CTNND2: variants seen among roughly 807,000 people sequenced by gnomAD.
CTNND2 encodes the protein catenin delta 2.
In CTNND2, 22 loss-of-function variants were observed where a neutral mutation model predicts 144.4. That is an observed-to-expected ratio of 0.15 (90% CI 0.11 to 0.22). The LOEUF (loss-of-function observed/expected upper bound fraction) is 0.22, where lower values mean the gene tolerates loss of function less well. CTNND2 is among the 10% of genes least tolerant of loss of function. The pLI is 1.00. For synonymous variants in CTNND2, 751 were observed against 695.6 expected, an observed-to-expected ratio of 1.08 and a Z score of -1.25; for missense variants, 1,353 against 1,618.8, an observed-to-expected ratio of 0.84 and a Z score of 2.82.
chr5:11,334,206 G>C (rs974214925), intron 9 of CTNND2, among the ~76,000 whole-genome samples: 2 of 152,150 alleles, frequency 1.3e-5, no homozygotes, highest in African/African-American at 4.8e-5. Context: ...AATTTTGAAT[G>C]TTTTCACTGC....
intron 2 of CTNND2, among the ~76,000 whole-genome samples, chr5:11,656,969 A>ATATTC (rs1782948224): frequency 6.6e-6 from 1 of 152,094 alleles, no homozygotes; most frequent in African/African-American, 2.4e-5. Flanking sequence ...TTGAGTTAGG[A>ATATTC]ATATCAGTTA....
At chr5:11,662,165 A>G (rs972255119) in intron 2 of CTNND2, among the ~76,000 whole-genome samples, 1 of 145,476 alleles carries the variant, frequency 6.9e-6, no homozygotes, top group Non-Finnish European at 1.5e-5. Context: ...ATGTGTATAT[A>G]TGTGTATATA....
At chr5:11,597,228 T>A (rs1417700604) in intron 2 of CTNND2, among the ~76,000 whole-genome samples, 2 of 152,172 alleles carry the variant, frequency 1.3e-5, no homozygotes, top group Admixed American at 6.6e-5. Context: ...TGCCTATACA[T>A]TGGTATCTTA....
At chr5:11,531,310 GC>G (rs1012609889) in intron 3 of CTNND2, among the ~76,000 whole-genome samples, 1 of 152,064 alleles carries the variant, frequency 6.6e-6, no homozygotes, top group African/African-American at 2.4e-5. Flanking sequence ...GGGAAACACG[GC>G]CCCCCACACA....
intron 1 of CTNND2, among the ~76,000 whole-genome samples, chr5:11,817,838 T>C (rs1793076654): frequency 6.6e-6 from 1 of 152,018 alleles, no homozygotes; most frequent in Non-Finnish European, 1.5e-5. Flanking sequence ...GAAAACACGA[T>C]TATAAAATAA....
chr5:11,645,617 C>A (rs1332500178), intron 2 of CTNND2, among the ~76,000 whole-genome samples: 3 of 152,070 alleles, frequency 2.0e-5, no homozygotes, highest in Admixed American at 1.3e-4. Flanking sequence ...AACTGAGAAC[C>A]ACTGTTAGTG....
At chr5:11,365,171 C>G (rs1278591230) in intron 7 of CTNND2, among the ~76,000 whole-genome samples, 1 of 152,172 alleles carries the variant, frequency 6.6e-6, no homozygotes, top group Non-Finnish European at 1.5e-5. Flanking sequence ...TTCTCAAAAC[C>G]TAATGAATGT....
chr5:10,991,316 C>T (rs1738654514), intron 19 of CTNND2, among the ~76,000 whole-genome samples: 1 of 152,170 alleles, frequency 6.6e-6, no homozygotes, highest in Non-Finnish European at 1.5e-5. Context: ...ACCAGGTCCT[C>T]CCAGGTGTCA....
At chr5:11,633,704 A>G (rs750654296) in intron 2 of CTNND2, among the ~76,000 whole-genome samples, 5 of 151,688 alleles carry the variant, frequency 3.3e-5, no homozygotes, top group Admixed American at 2.0e-4. Context: ...TGAACCTGAG[A>G]GGCAGAGTTT....
chr5:11,257,938 C>T (rs772694180), intron 9 of CTNND2, among the ~76,000 whole-genome samples: 7 of 152,186 alleles, frequency 4.6e-5, no homozygotes, highest in Non-Finnish European at 8.8e-5. Context: ...CCATCATTCT[C>T]CTATTACTCC....
intron 9 of CTNND2, among the ~76,000 whole-genome samples, chr5:11,322,048 T>A (rs573933884): frequency 2.6e-5 from 4 of 152,000 alleles, no homozygotes; most frequent in Non-Finnish European, 5.9e-5. Context: ...GTTCTATCCC[T>A]CCCTCCACAC....
chr5:11,676,191 A>G (rs1784166186), intron 2 of CTNND2, among the ~76,000 whole-genome samples: 1 of 152,142 alleles, frequency 6.6e-6, no homozygotes, highest in East Asian at 1.9e-4. Context: ...TTTTAGGTAT[A>G]AAAACAGCTT....
In CTNND2 at chr5:11,411,619, G is replaced by A; in HGVS notation, c.356C>T (p.Thr119Ile). Residue 119 changes from threonine (T) to isoleucine (I), a missense_variant, in exon 5 of 22, where the codon ACA (threonine) becomes ATA (isoleucine). By Grantham distance (89) the Thr-to-Ile change is moderately conservative. This residue lies in a region of CTNND2 where 708 missense variants were observed against 706.4 expected (regional missense o/e 1.00). Coordinates refer to ENST00000304623, the MANE Select transcript of CTNND2 (RefSeq NM_001332.4). ...ACAGGAGTCCACCAGCTCGAGACCT[G>A]TTGTAAGCTCATCTTCGATATCTTT... ...GQKDIEDELT[T>I]GLELVDSCIR... 1.2e-6 allele frequency: 2 copies of A among 1,611,338 alleles called. No individual in the cohort carries two copies. Among genetic ancestry groups the A allele is most frequent in the Non-Finnish European group, 1.7e-6 (2 of 1,178,072 alleles).
chr5:11,678,353 G>C (rs1355823036), intron 2 of CTNND2, among the ~76,000 whole-genome samples: 1 of 152,140 alleles, frequency 6.6e-6, no homozygotes, highest in Non-Finnish European at 1.5e-5. Context: ...CAGAACCCCT[G>C]ACTGGTATTT....
chr5:11,123,493 C>T (rs1213486615), intron 12 of CTNND2, among the ~76,000 whole-genome samples: 1 of 152,182 alleles, frequency 6.6e-6, no homozygotes, highest in Non-Finnish European at 1.5e-5. Context: ...AGGACTGCCC[C>T]CACCACAAGG....
At chr5:11,819,566 T>C (rs1043835276) in intron 1 of CTNND2, among the ~76,000 whole-genome samples, 5 of 152,208 alleles carry the variant, frequency 3.3e-5, no homozygotes, top group Admixed American at 6.5e-5. Flanking sequence ...CCACCCCTGT[T>C]CAGGCTCAGT....
intron 16 of CTNND2, among the ~76,000 whole-genome samples, chr5:11,072,524 T>C (rs1748445212): frequency 1.3e-5 from 2 of 152,248 alleles, no homozygotes; most frequent in African/African-American, 4.8e-5. Flanking sequence ...CAGTATATTG[T>C]TACGAACTTT....
intron 1 of CTNND2, among the ~76,000 whole-genome samples, chr5:11,793,725 G>T (rs904188350): frequency 1.3e-5 from 2 of 152,100 alleles, no homozygotes; most frequent in Non-Finnish European, 1.5e-5. Flanking sequence ...CAGAACTGAA[G>T]GTAAATTTCT....
chr5:11,846,296 A>G (rs1794732689), intron 1 of CTNND2, among the ~76,000 whole-genome samples: 1 of 152,158 alleles, frequency 6.6e-6, no homozygotes, highest in Admixed American at 6.5e-5. Context: ...AAAATTTTCA[A>G]ATTTCAACAA....
Sources: allele counts gnomAD v4.1 joint callset (sites outside exome capture counted in the v4.1 genomes callset), GRCh38; gene constraint gnomAD v4.1.1; regional missense constraint gnomAD v4.1.1; transcripts MANE v1.5; gene names NCBI Gene and HGNC (gene_info 2026-07-23, HGNC 2026-07-21).